SMG1: variants seen among roughly 807,000 people sequenced by gnomAD.
The protein encoded by SMG1 is SMG1 nonsense mediated mRNA decay associated PI3K related kinase, also known as serine/threonine-protein kinase SMG1.
SMG1 carries 22 observed loss-of-function variants against 419.9 expected under a neutral mutation model. The observed-to-expected ratio is 0.05, with a 90% CI of 0.04 to 0.07. SMG1 has a LOEUF of 0.07. Ranked by LOEUF, SMG1 falls within the 10% of genes least tolerant of loss-of-function variation. The pLI, the probability that SMG1 is intolerant of heterozygous loss-of-function variation, is 1.00. For missense variants in SMG1, 3,185 were observed against 4,342.0 expected, an observed-to-expected ratio of 0.73 and a Z score of 7.49; for synonymous variants, 1,538 against 1,553.5, an observed-to-expected ratio of 0.99 and a Z score of 0.23.
chr16:18,887,516 C>CTTTTTTTTTTTT (rs574179061), intron 6 of SMG1, among the ~76,000 whole-genome samples: 1 of 110,120 alleles, frequency 9.1e-6, no homozygotes, highest in Admixed American at 1.1e-4. Flanking sequence ...TTTTTTTTTC[C>CTTTTTTTTTTTT]TTTTTTTTTT....
In SMG1 at chr16:18,853,736, T is replaced by C; in HGVS notation, c.4615A>G (p.Ile1539Val). The C allele has an allele frequency of 1.2e-6, 2 of 1,613,966 alleles. No homozygotes were observed. Among genetic ancestry groups the C allele is most frequent in the Non-Finnish European group, 1.7e-6 (2 of 1,179,864 alleles). Reference protein sequence around the residue: ...AKWIQAEWKEISGQLKQVYRA... With the variant: ...AKWIQAEWKEVSGQLKQVYRA... ...TAAACCTGTTTCAGCTGTCCTGAAA[T>C]CTCTTTCCATTCTGCCTGGATCCAT... Residue 1539 changes from isoleucine (I) to valine (V), a missense_variant, in exon 31 of 63, where the codon ATT becomes GTT. Transcript: ENST00000446231.
chr16:18,807,692 A>C lies in SMG1; in HGVS notation c.*1877T>G, dbSNP rs1419741435. On this transcript the variant is annotated 3_prime_UTR_variant, in exon 63 of 63. Transcript: ENST00000446231. ...TTCAAGTTTGTCTGTGAAGACGGCAACTAGAAAGTGACCACTGTCCTAATC... is the reference window on the plus strand; with the variant it reads ...TTCAAGTTTGTCTGTGAAGACGGCACCTAGAAAGTGACCACTGTCCTAATC... 1.3e-5 allele frequency: 2 copies of C among 152,210 alleles called. No individual in the cohort carries two copies. The highest frequency in any genetic ancestry group is 2.9e-5 in the Non-Finnish European group (2 of 68,040). The allele number at this position is 152,210 out of a possible 1,614,324, so 9.4% of individuals were successfully genotyped here.
At chr16:18,860,979 G>A in intron 25 of SMG1, 1 of 449,354 alleles carries the variant, frequency 2.2e-6, no homozygotes, top group South Asian at 2.7e-5. Context: ...AAATTGGAGT[G>A]GCAAACCAGA....
intron 22 of SMG1, among the ~76,000 whole-genome samples, chr16:18,867,139 C>T (rs1159914019): frequency 1.3e-5 from 2 of 152,146 alleles, no homozygotes; most frequent in Non-Finnish European, 2.9e-5. Context: ...CTTGACATTA[C>T]CTGAATTGCT....
At chr16:18,892,544 T>G (rs1373937951) in intron 3 of SMG1, among the ~76,000 whole-genome samples, 190 bp from the exon 4 acceptor site, 3 of 152,094 alleles carry the variant, frequency 2.0e-5, no homozygotes, top group African/African-American at 7.2e-5. Flanking sequence ...GGCAACATGG[T>G]GAAACCCTGT....
intron 1 of SMG1, among the ~76,000 whole-genome samples, chr16:18,904,141 G>T (rs1203639977): frequency 1.1e-4 from 16 of 150,082 alleles, no homozygotes; most frequent in Non-Finnish European, 1.9e-4. Context: ...GTTTCACCAT[G>T]TTAGCCAGGA....
intron 40 of SMG1, 82 bp downstream of exon 40, chr16:18,842,123 TCTC>T: frequency 7.2e-7 from 1 of 1,398,060 alleles, no homozygotes; most frequent in Non-Finnish European, 9.7e-7. Flanking sequence ...CCTGAAATAA[TCTC>T]CTACTATACA....
chr16:18,888,880 T>C (rs2036756794), intron 6 of SMG1, among the ~76,000 whole-genome samples: 2 of 147,270 alleles, frequency 1.4e-5, no homozygotes. Context: ...TGGAGTGCAG[T>C]GGCGTGATCT....
chr16:18,869,021 A>C, intron 20 of SMG1, 83 bp downstream of exon 20: 4 of 1,282,790 alleles, frequency 3.1e-6, no homozygotes, highest in Non-Finnish European at 4.5e-6. Context: ...ATATACTCTC[A>C]AATCTTTAAC....
chr16:18,858,856 T>C (rs1201152015), intron 28 of SMG1, 166 bp downstream of exon 28: 14 of 567,520 alleles, frequency 2.5e-5, no homozygotes, highest in Non-Finnish European at 3.9e-5. Context: ...ATCTGCCCCA[T>C]GTACTTCTCA....
At chr16:18,830,462 G>C (rs140596038) in intron 51 of SMG1, 93 bp from the exon 52 acceptor site, 2 of 1,382,108 alleles carry the variant, frequency 1.4e-6, no homozygotes, top group African/African-American at 2.9e-5. Context: ...GCTGCATGCT[G>C]TGAGAGTCTA....
intron 25 of SMG1, chr16:18,861,542 A>G (rs1014847816): frequency 6.6e-6 from 1 of 152,098 alleles, no homozygotes; most frequent in African/African-American, 2.4e-5. Flanking sequence ...CTTATAAATC[A>G]GCCTGAGGCC....
At chr16:18,921,466 T>C (rs1397073836) in intron 1 of SMG1, among the ~76,000 whole-genome samples, 1 of 152,208 alleles carries the variant, frequency 6.6e-6, no homozygotes, top group Admixed American at 6.5e-5. Flanking sequence ...AAAATAGCCA[T>C]ACACAATTTG....
intron 3 of SMG1, among the ~76,000 whole-genome samples, chr16:18,893,754 T>C (rs1215212445): frequency 2.0e-5 from 3 of 149,938 alleles, no homozygotes; most frequent in Non-Finnish European, 4.4e-5. Flanking sequence ...TGAGAAAACA[T>C]TGGTAAAAAA....
At chr16:18,812,587 T>TAC (rs1248988104) in intron 60 of SMG1, among the ~76,000 whole-genome samples, 1 of 149,414 alleles carries the variant, frequency 6.7e-6, no homozygotes, top group Admixed American at 6.7e-5. Flanking sequence ...CACATATATA[T>TAC]ACATATATAT....
intron 50 of SMG1, among the ~76,000 whole-genome samples, chr16:18,833,746 C>T (rs2033367077): frequency 6.6e-6 from 1 of 152,234 alleles, no homozygotes; most frequent in African/African-American, 2.4e-5. Flanking sequence ...CTCACTCACA[C>T]TTCTCCATAC....
At chr16:18,854,570 A>T in intron 30 of SMG1, 86 bp downstream of exon 30, 1 of 1,265,630 alleles carries the variant, frequency 7.9e-7, no homozygotes, top group Non-Finnish European at 1.1e-6. Context: ...CTTTGCTATT[A>T]CTACCTTATA....
intron 6 of SMG1, 35 bp from the exon 7 acceptor site, chr16:18,885,701 A>C: frequency 1.3e-6 from 2 of 1,592,872 alleles, no homozygotes; most frequent in East Asian, 2.2e-5. Context: ...GTGAACATTC[A>C]ACAAAATAGG....
chr16:18,908,938 A>G (rs1056983941), intron 1 of SMG1, among the ~76,000 whole-genome samples: 3 of 152,158 alleles, frequency 2.0e-5, no homozygotes, highest in African/African-American at 7.2e-5. Context: ...AATAGATAAT[A>G]ACTGTAGTTA....
Sources: allele counts gnomAD v4.1 joint callset (sites outside exome capture counted in the v4.1 genomes callset), GRCh38; gene constraint gnomAD v4.1.1; transcripts MANE v1.5; gene names NCBI Gene and HGNC (gene_info 2026-07-23, HGNC 2026-07-21).